Variants in MLIP observed in about 807,000 individuals in gnomAD.
The protein encoded by MLIP is muscular LMNA-interacting protein.
In MLIP, 79 loss-of-function variants were observed where a neutral mutation model predicts 84.8. The observed-to-expected ratio is 0.93, with a 90% CI of 0.78 to 1.12. MLIP has a LOEUF of 1.12. Among genes scored for constraint, MLIP ranks in the 50% most tolerant of loss-of-function variants. The pLI is 0.00. For missense variants in MLIP, 1,257 were observed against 1,160.6 expected (o/e 1.08, Z -1.21); for synonymous variants, 504 against 463.0 (o/e 1.09, Z -1.14).
intron 1 of MLIP, among the ~76,000 whole-genome samples, chr6:54,035,115 T>C (rs1391837543): frequency 6.6e-6 from 1 of 152,186 alleles, no homozygotes; most frequent in African/African-American, 2.4e-5. Flanking sequence ...TGGTAGATTA[T>C]ACCATCTCAG....
chr6:54,087,204 G>A (rs1767553540), intron 1 of MLIP, among the ~76,000 whole-genome samples: 2 of 152,136 alleles, frequency 1.3e-5, no homozygotes, highest in Non-Finnish European at 2.9e-5. Flanking sequence ...TTCTAATATG[G>A]CATCAAAGCC....
intron 11 of MLIP, among the ~76,000 whole-genome samples, chr6:54,208,790 G>T (rs1416967237): frequency 6.6e-6 from 1 of 152,100 alleles, no homozygotes; most frequent in African/African-American, 2.4e-5. Flanking sequence ...GTACCAAATT[G>T]TCTTATAATA....
chr6:54,124,520 G>T lies in MLIP; in HGVS notation c.300G>T (p.Glu100Asp). The T allele has an allele frequency of 6.2e-7, 1 of 1,614,184 alleles. No homozygotes were observed. The highest frequency in any genetic ancestry group is 8.5e-7 in the Non-Finnish European group (1 of 1,180,020). Reference sequence around the variant, plus strand: ...CCTTGAATGCTGGGAGCCAACAAGAGAGAGACCAAGCGAAATTGACTTGTC... The same window carrying T: ...CCTTGAATGCTGGGAGCCAACAAGATAGAGACCAAGCGAAATTGACTTGTC... ...YLTLNAGSQQERDQAKLTCPS... is the reference protein window; with the variant it reads ...YLTLNAGSQQDRDQAKLTCPS... The change falls in exon 3 of 14, where the codon GAG becomes GAT. Residue 100 changes from glutamate (E) to aspartate (D), a missense_variant. Glu to Asp is a conservative substitution (Grantham distance 45). Coordinates refer to ENST00000502396, the MANE Select transcript of MLIP (RefSeq NM_001281747.2).
At chr6:54,187,506 C>A (rs1463963412) in intron 9 of MLIP, among the ~76,000 whole-genome samples, 1 of 151,996 alleles carries the variant, frequency 6.6e-6, no homozygotes, top group East Asian at 1.9e-4. Flanking sequence ...TGAAAAAGAA[C>A]CAAGTAAAAC....
At chr6:54,072,879 A>G (rs906659884) in intron 1 of MLIP, among the ~76,000 whole-genome samples, 2 of 152,246 alleles carry the variant, frequency 1.3e-5, no homozygotes, top group Non-Finnish European at 2.9e-5. Context: ...AATGGCCTAC[A>G]GATGCAAAGA....
At chr6:54,131,121 A>G (rs1348073395) in intron 3 of MLIP, among the ~76,000 whole-genome samples, 1 of 152,202 alleles carries the variant, frequency 6.6e-6, no homozygotes, top group African/African-American at 2.4e-5. Flanking sequence ...TTTCCGTTGT[A>G]CAATAGCTTA....
intron 11 of MLIP, among the ~76,000 whole-genome samples, chr6:54,227,747 A>C (rs1271486255): frequency 1.3e-5 from 2 of 152,104 alleles, no homozygotes; most frequent in African/African-American, 4.8e-5. Context: ...AAACAATCAA[A>C]CGTAAGAGTA....
chr6:54,253,512 A>T (rs1782782576), intron 12 of MLIP, among the ~76,000 whole-genome samples: 1 of 152,198 alleles, frequency 6.6e-6, no homozygotes, highest in African/African-American at 2.4e-5. Context: ...AAAAAGAGAG[A>T]ACTGTTTCAC....
chr6:54,098,307 A>AAT (rs1768375167), intron 1 of MLIP, among the ~76,000 whole-genome samples: 1 of 147,968 alleles, frequency 6.8e-6, no homozygotes, highest in Admixed American at 6.9e-5. Context: ...TGTGCATATC[A>AAT]TGCCAGGCTA....
chr6:54,216,632 T>C (rs184485787), intron 11 of MLIP: 1 of 971,594 alleles, frequency 1.0e-6, no homozygotes, highest in Non-Finnish European at 1.2e-6. Context: ...GGATTTCAAA[T>C]AGCTAAGCAT....
Position 54,126,733 on chromosome 6 carries a change from T to TA in MLIP, c.645+1877dup, listed in dbSNP as rs200181515. Among the ~76,000 whole-genome samples, 1,278 of 151,452 alleles carry TA rather than the reference T, an allele frequency of 8.4e-3. 19 individuals are homozygous for TA. The highest frequency in any genetic ancestry group is 0.029 in the African/African-American group (1,181 of 41,344). ...ATAGTGAACTGTAATGTACAAAGTC[T>TA]AAAAAAAAATTACACGATTGGGCTG... On this transcript the variant is annotated intron_variant, in intron 3 of 13. Coordinates refer to ENST00000502396, the MANE Select transcript of MLIP (RefSeq NM_001281747.2).
chr6:54,238,594 G>C (rs1351498904), intron 12 of MLIP, among the ~76,000 whole-genome samples: 2 of 152,204 alleles, frequency 1.3e-5, no homozygotes, highest in Non-Finnish European at 1.5e-5. Context: ...TGGCCAGTCT[G>C]TGAATAGAAA....
chr6:54,038,081 A>G (rs998377034), intron 1 of MLIP, among the ~76,000 whole-genome samples: 1 of 151,974 alleles, frequency 6.6e-6, no homozygotes, highest in African/African-American at 2.4e-5. Context: ...ATCAGGTCCT[A>G]ACATGTGGTA....
intron 1 of MLIP, among the ~76,000 whole-genome samples, chr6:54,067,036 G>A (rs1211220284): frequency 3.0e-5 from 3 of 100,642 alleles, no homozygotes; most frequent in African/African-American, 7.6e-5. Context: ...ACTAAATTAT[G>A]TAAGCTTTTC....
intron 1 of MLIP, chr6:54,046,541 TAA>T (rs1765064695): frequency 6.6e-6 from 1 of 152,210 alleles, no homozygotes; most frequent in Non-Finnish European, 1.5e-5. Flanking sequence ...AAGCCATATT[TAA>T]TATCTCCATG....
At chr6:54,035,837 A>G (rs1582000887) in intron 1 of MLIP, among the ~76,000 whole-genome samples, 1 of 151,872 alleles carries the variant, frequency 6.6e-6, no homozygotes, top group Non-Finnish European at 1.5e-5. Context: ...GTTAAGTTTT[A>G]AAAGTTTTTT....
intron 11 of MLIP, among the ~76,000 whole-genome samples, chr6:54,214,323 G>T (rs1415783258): frequency 1.3e-5 from 2 of 152,170 alleles, no homozygotes; most frequent in African/African-American, 4.8e-5. Flanking sequence ...GGGAACTTGT[G>T]AATTGGTCCA....
intron 1 of MLIP, among the ~76,000 whole-genome samples, chr6:54,056,494 G>T (rs1765668491): frequency 6.6e-6 from 1 of 152,142 alleles, no homozygotes; most frequent in Non-Finnish European, 1.5e-5. Flanking sequence ...ATGAATTGAT[G>T]CACTAGGGAA....
At chr6:54,161,061 T>A (rs864642) in intron 8 of MLIP, among the ~76,000 whole-genome samples, 82,756 of 151,716 alleles carry the variant, frequency 0.55, 24,554 homozygotes, top group South Asian at 0.7. Context: ...TTTCTGTGGG[T>A]CCAGTTCAAA....
Sources: allele counts gnomAD v4.1 joint callset (sites outside exome capture counted in the v4.1 genomes callset), GRCh38; gene constraint gnomAD v4.1.1; transcripts MANE v1.5; gene names NCBI Gene and HGNC (gene_info 2026-07-23, HGNC 2026-07-21).